The following MRPS28 variants were observed in gnomAD, a reference collection of about 807,000 sequenced individuals.
The protein encoded by MRPS28 is small ribosomal subunit protein bS1m.
MRPS28 carries 7 observed loss-of-function variants against 10.8 expected under a neutral mutation model. That is an observed-to-expected ratio of 0.65 (90% confidence interval 0.37 to 1.22). The LOEUF (loss-of-function observed/expected upper bound fraction) is 1.22. MRPS28 is among the 50% of genes most tolerant of loss of function. The probability of loss-of-function intolerance (pLI) is 0.02; values close to 1 mark genes in which losing one functional copy is unlikely to be tolerated. For synonymous variants in MRPS28, 121 were observed against 93.3 expected (o/e 1.30, Z -1.71); for missense variants, 265 against 232.9 (o/e 1.14, Z -0.90).
At chr8:80,013,094 T>C (rs1369272303) in intron 1 of MRPS28, among the ~76,000 whole-genome samples, 3 of 151,708 alleles carry the variant, frequency 2.0e-5, no homozygotes, top group Admixed American at 1.3e-4. Context: ...GAATAACAAA[T>C]ACGAAACCTG....
chr8:80,022,969 ATCTTT>A (rs1586103452), intron 1 of MRPS28, among the ~76,000 whole-genome samples: 2 of 152,326 alleles, frequency 1.3e-5, no homozygotes, highest in African/African-American at 4.8e-5. Context: ...GAACATATAC[ATCTTT>A]TCTTTTAAGA....
intron 2 of MRPS28, among the ~76,000 whole-genome samples, chr8:79,920,680 G>A (rs960541010): frequency 8.5e-5 from 13 of 152,104 alleles, no homozygotes; most frequent in African/African-American, 1.2e-4. Context: ...TGTAGATTCT[G>A]GATATTAGCC....
At chr8:79,998,944 A>G (rs1045028094) in intron 2 of MRPS28, among the ~76,000 whole-genome samples, 1 of 152,238 alleles carries the variant, frequency 6.6e-6, no homozygotes, top group African/African-American at 2.4e-5. Context: ...GCTAAACTGG[A>G]TATTTCAATT....
chr8:79,920,639 G>A (rs1021655613), intron 2 of MRPS28, among the ~76,000 whole-genome samples: 4 of 152,082 alleles, frequency 2.6e-5, no homozygotes, highest in Admixed American at 6.6e-5. Flanking sequence ...TGATGGGGTT[G>A]TTTTTTTCTT....
In MRPS28 at chr8:80,011,625, T is replaced by C. The variant is rs562267753; in HGVS notation, c.214-8445A>G. 5.9e-5 allele frequency among the ~76,000 whole-genome samples: 9 copies of C among 152,122 alleles called. No homozygotes were observed. The South Asian group carries it at 1.9e-3, about 32-fold the overall frequency. On this transcript the variant is annotated intron_variant, in intron 1 of 2. Coordinates refer to ENST00000276585, the MANE Select transcript of MRPS28 (RefSeq NM_014018.3). ...AAAATTAGTCGGGCATGGTGGCATG[T>C]GCCTGTAATCCCAGCTACTCAGGAA...
rs187549227 is a variant in MRPS28, at chr8:79,973,283, A to T, written c.395+29716T>A. ...AACACAGTGAAAGAGAGAGAGAGAG[A>T]GTGTGTGTGTGTACATATATTTAGA... is the stretch of plus-strand genomic sequence containing the variant. On this transcript the variant is annotated intron_variant, in intron 2 of 2. Transcript: ENST00000276585. Among the ~76,000 whole-genome samples the T allele has an allele frequency of 1.6e-4, 25 of 151,962 alleles. No homozygotes were observed. In the East Asian group the frequency reaches 2.5e-3, roughly 15 times the overall value.
intron 1 of MRPS28, among the ~76,000 whole-genome samples, chr8:80,007,005 C>T (rs201815568): frequency 1.1e-4 from 17 of 152,150 alleles, no homozygotes; most frequent in East Asian, 3.9e-4. Context: ...TGATGAACAT[C>T]GATGCAAAAA....
intron 2 of MRPS28, among the ~76,000 whole-genome samples, chr8:79,930,059 G>A (rs1299149394): frequency 6.6e-6 from 1 of 152,180 alleles, no homozygotes; most frequent in Non-Finnish European, 1.5e-5. Flanking sequence ...CACTCTCAGT[G>A]ACTTACCACA....
At chr8:79,966,674 T>C (rs1176695876) in intron 2 of MRPS28, among the ~76,000 whole-genome samples, 2 of 152,164 alleles carry the variant, frequency 1.3e-5, no homozygotes, top group Non-Finnish European at 2.9e-5. Context: ...CAGCATGATA[T>C]AATCTTAAAA....
At chr8:79,922,163 G>A (rs1380994172) in intron 2 of MRPS28, among the ~76,000 whole-genome samples, 1 of 152,156 alleles carries the variant, frequency 6.6e-6, no homozygotes, top group African/African-American at 2.4e-5. Flanking sequence ...AAAGTACTCA[G>A]TATTTGGGAT....
intron 2 of MRPS28, among the ~76,000 whole-genome samples, chr8:79,920,585 GTCT>G (rs1392644678): frequency 1.3e-5 from 2 of 152,342 alleles, no homozygotes; most frequent in East Asian, 3.9e-4. Flanking sequence ...TTGCATAAAT[GTCT>G]TCTTTTGAGA....
chr8:80,028,151 T>C (rs1809537771), intron 1 of MRPS28, among the ~76,000 whole-genome samples: 1 of 152,254 alleles, frequency 6.6e-6, no homozygotes, highest in African/African-American at 2.4e-5. Context: ...ATACATGTGA[T>C]GCTACAATTT....
chr8:79,972,012 A>C (rs1245155576), intron 2 of MRPS28, among the ~76,000 whole-genome samples: 3 of 152,078 alleles, frequency 2.0e-5, no homozygotes, highest in African/African-American at 7.2e-5. Context: ...ATTACTTTTT[A>C]ATGGCTGAAT....
chr8:79,949,268 G>A (rs374960104), intron 2 of MRPS28, among the ~76,000 whole-genome samples: 1 of 152,082 alleles, frequency 6.6e-6, no homozygotes, highest in Non-Finnish European at 1.5e-5. Context: ...CAAAAAATTA[G>A]CCAGGCGCTG....
At chr8:79,919,257 G>A (rs1299795316) in intron 2 of MRPS28, 109 bp from the exon 3 acceptor site, 4 of 807,490 alleles carry the variant, frequency 5.0e-6, no homozygotes, top group African/African-American at 3.6e-5. Context: ...AGCTCAAGAT[G>A]AAGTTAACAC....
chr8:79,983,933 G>A (rs1462668287), intron 2 of MRPS28, among the ~76,000 whole-genome samples: 1 of 152,122 alleles, frequency 6.6e-6, no homozygotes, highest in African/African-American at 2.4e-5. Flanking sequence ...ACGCCACAAA[G>A]ATACTCCTCG....
At chr8:79,971,921 T>C (rs1807645593) in intron 2 of MRPS28, among the ~76,000 whole-genome samples, 1 of 152,088 alleles carries the variant, frequency 6.6e-6, no homozygotes, top group South Asian at 2.1e-4. Context: ...CAGGCTGGTC[T>C]TGAACTCCTG....
intron 1 of MRPS28, among the ~76,000 whole-genome samples, chr8:80,007,543 C>T (rs1039040406): frequency 6.6e-6 from 1 of 152,194 alleles, no homozygotes; most frequent in African/African-American, 2.4e-5. Flanking sequence ...AGCCCAAAAT[C>T]TCCTTAAGCT....
chr8:79,964,504 T>G (rs1463898954), intron 2 of MRPS28, among the ~76,000 whole-genome samples: 3 of 152,124 alleles, frequency 2.0e-5, no homozygotes, highest in African/African-American at 7.2e-5. Context: ...AGAAACATCT[T>G]GGCAGAATCA....
Sources: allele counts gnomAD v4.1 joint callset (sites outside exome capture counted in the v4.1 genomes callset), GRCh38; gene constraint gnomAD v4.1.1; transcripts MANE v1.5; gene names NCBI Gene and HGNC (gene_info 2026-07-23, HGNC 2026-07-21).